CMBL: variants seen among roughly 807,000 people sequenced by gnomAD.
CMBL encodes the protein carboxymethylenebutenolidase homolog (Pseudomonas).
A neutral mutation model predicts 28.7 loss-of-function variants in CMBL; 17 were observed. The ratio of observed to expected loss-of-function variants is 0.59; its 90% confidence interval spans 0.41 to 0.89. CMBL has a LOEUF of 0.89. Ranked by LOEUF, CMBL falls within the 40% of genes least tolerant of loss-of-function variation. CMBL has a pLI of 0.00. For missense variants in CMBL, 310 were observed against 298.5 expected, an observed-to-expected ratio of 1.04 and a Z score of -0.28; for synonymous variants, 106 against 101.6, an observed-to-expected ratio of 1.04 and a Z score of -0.26.
chr5:10,301,606 GTTTT>G (rs371796871), intron 1 of CMBL, among the ~76,000 whole-genome samples: 1 of 132,260 alleles, frequency 7.6e-6, no homozygotes, highest in East Asian at 2.1e-4. Context: ...TTCTTTTCGG[GTTTT>G]TTTTTTTTTG....
At position 10,279,151 on chromosome 5, in the gene CMBL, T is replaced by G. The variant is rs1028085656; in HGVS notation, c.*1302A>C. The G allele has an allele frequency of 8.5e-5, 13 of 152,202 alleles. No individual in the cohort carries two copies. Among genetic ancestry groups the G allele is most frequent in the Non-Finnish European group, 4.4e-5 (3 of 68,042 alleles). 9.4% of individuals were successfully genotyped at this position (152,202 alleles called of 1,614,324 possible). ...CCACCAGAAACACAGGAGATATTTC[T>G]GAGGTAGCCTCAGGCCCTGGGACCC... On this transcript the variant is annotated 3_prime_UTR_variant, in exon 6 of 6. Transcript: ENST00000296658.
Position 10,280,588 on chromosome 5 carries a change from T to C in CMBL, c.603A>G (p.Glu201=), listed in dbSNP as rs1746482221. ...GCCCAGAAAATGTTTTAATTTGATA[T>C]TCAACTTTGCAGTGTTCTTTCAACT... ...TQKLKEHCKV[E]YQIKTFSGQT... Residue 201 remains glutamate (E), a synonymous_variant, in exon 6 of 6, where the codon GAA becomes GAG. Transcript: ENST00000296658. 3 of 1,613,338 alleles carry C rather than the reference T, an allele frequency of 1.9e-6. No homozygotes were observed. The African/African-American group carries it at 4.0e-5, about 22-fold the overall frequency.
chr5:10,307,244 T>A (rs535562527), intron 1 of CMBL: 8 of 152,180 alleles, frequency 5.3e-5, no homozygotes, highest in Non-Finnish European at 1.0e-4. Flanking sequence ...AACCAGAATG[T>A]CTCACTGCAG....
At chr5:10,291,502 A>G (rs1033897071) in intron 1 of CMBL, among the ~76,000 whole-genome samples, 2 of 151,946 alleles carry the variant, frequency 1.3e-5, no homozygotes, top group African/African-American at 4.8e-5. Flanking sequence ...CTCTACTAAA[A>G]AACAAAAAAT....
intron 1 of CMBL, among the ~76,000 whole-genome samples, chr5:10,293,057 T>G (rs1746754605): frequency 1.3e-5 from 2 of 152,192 alleles, no homozygotes; most frequent in Non-Finnish European, 2.9e-5. Flanking sequence ...GATTTAGAAC[T>G]GGATTACCAT....
chr5:10,280,351 A>T lies in CMBL; in HGVS notation c.*102T>A. 1 of 848,700 alleles carries T rather than the reference A, an allele frequency of 1.2e-6. No homozygotes were observed. 52.6% of individuals were successfully genotyped at this position (848,700 alleles called of 1,614,324 possible). ...TGAAATAATCAATTTTAGGATTCCT[A>T]CACTTATTTTATAAAAGTGAAAATT... On this transcript the variant is annotated 3_prime_UTR_variant, in exon 6 of 6. Coordinates refer to ENST00000296658, the MANE Select transcript of CMBL (RefSeq NM_138809.4).
chr5:10,293,479 C>A (rs947922994), intron 1 of CMBL, among the ~76,000 whole-genome samples: 1 of 152,046 alleles, frequency 6.6e-6, no homozygotes, highest in African/African-American at 2.4e-5. Context: ...TGCCCTCAGA[C>A]CTAATCATTT....
rs1226159856 is a variant in CMBL at position 10,280,496 on chromosome 5, T to C, written c.695A>G (p.Glu232Gly). 1 of 1,611,662 alleles carries C rather than the reference T, an allele frequency of 6.2e-7. No homozygotes were observed. The highest frequency in any genetic ancestry group is 8.5e-7 in the Non-Finnish European group (1 of 1,178,044). Residue 232 changes from glutamate (E) to glycine (G), a missense_variant, in exon 6 of 6, where the codon GAG becomes GGG. Glu to Gly is a moderately conservative substitution (Grantham distance 98). Coordinates refer to ENST00000296658, the MANE Select transcript of CMBL (RefSeq NM_138809.4). ...CCACTCAATTAAATTCCTTCTGGCC[T>C]CGTCAATGTAGGGCTTGTCTGCAGG... ...CSPADKPYID[E>G]ARRNLIEWLN...
At chr5:10,298,135 T>TG (rs961138068) in intron 1 of CMBL, among the ~76,000 whole-genome samples, 4 of 116,124 alleles carry the variant, frequency 3.4e-5, no homozygotes, top group African/African-American at 1.3e-4. Flanking sequence ...GAGGGACCTG[T>TG]GGGGGGAGGA....
intron 4 of CMBL, 51 bp downstream of exon 4, chr5:10,286,303 T>C: frequency 1.3e-6 from 2 of 1,564,496 alleles, no homozygotes; most frequent in Non-Finnish European, 1.7e-6. Context: ...TTGTTGTCAC[T>C]CTTCCACCCC....
intron 3 of CMBL, among the ~76,000 whole-genome samples, chr5:10,286,922 C>T (rs1483171307): frequency 6.6e-6 from 1 of 152,204 alleles, no homozygotes; most frequent in African/African-American, 2.4e-5. Context: ...TCCTCTCTCC[C>T]ATGAGCAGCC....
At chr5:10,297,875 G>A (rs912697006) in intron 1 of CMBL, among the ~76,000 whole-genome samples, 3 of 152,168 alleles carry the variant, frequency 2.0e-5, no homozygotes, top group Non-Finnish European at 4.4e-5. Flanking sequence ...GGTGTGGGGC[G>A]GGAGAGTGTG....
chr5:10,303,346 G>A (rs1197472585), intron 1 of CMBL, among the ~76,000 whole-genome samples: 1 of 152,212 alleles, frequency 6.6e-6, no homozygotes, highest in Non-Finnish European at 1.5e-5. Context: ...GCTGTGTCAT[G>A]GGTCATGGTC....
intron 1 of CMBL, among the ~76,000 whole-genome samples, chr5:10,304,415 T>C (rs1004644645): frequency 6.6e-6 from 1 of 152,142 alleles, no homozygotes. Context: ...TAACCCCTCC[T>C]ATAGCTTATT....
At chr5:10,288,396 C>A in intron 3 of CMBL, 26 bp downstream of exon 3, 1 of 1,560,994 alleles carries the variant, frequency 6.4e-7, no homozygotes, top group Non-Finnish European at 8.8e-7. Flanking sequence ...ACAACGTGCA[C>A]ATGGCCACGT....
chr5:10,283,213 C>T (rs1746532266), intron 4 of CMBL, among the ~76,000 whole-genome samples: 2 of 152,090 alleles, frequency 1.3e-5, no homozygotes, highest in Non-Finnish European at 2.9e-5. Context: ...TGAATGATAC[C>T]TCGTCCGCTG....
At chr5:10,305,318 A>G (rs1261860730) in intron 1 of CMBL, among the ~76,000 whole-genome samples, 1 of 151,082 alleles carries the variant, frequency 6.6e-6, no homozygotes, top group African/African-American at 2.4e-5. Context: ...TGTGTGAATG[A>G]CTTCTATGTG....
chr5:10,285,688 C>CTCTT (rs1554013424), intron 4 of CMBL, among the ~76,000 whole-genome samples: 54 of 144,308 alleles, frequency 3.7e-4, no homozygotes, highest in Non-Finnish European at 6.1e-4. Context: ...TTCTTTCTTT[C>CTCTT]TCTTTCTTTT....
At chr5:10,305,134 G>C (rs1262799462) in intron 1 of CMBL, among the ~76,000 whole-genome samples, 1 of 152,160 alleles carries the variant, frequency 6.6e-6, no homozygotes, top group Non-Finnish European at 1.5e-5. Context: ...GTCATCCCCA[G>C]GTCAGTTCTG....
Sources: allele counts gnomAD v4.1 joint callset (sites outside exome capture counted in the v4.1 genomes callset), GRCh38; gene constraint gnomAD v4.1.1; transcripts MANE v1.5; gene names NCBI Gene and HGNC (gene_info 2026-07-23, HGNC 2026-07-21).